OPCML: variants seen among roughly 807,000 people sequenced by gnomAD.
The protein encoded by OPCML is opioid binding protein/cell adhesion molecule like.
Under a neutral mutation model 37.8 loss-of-function variants are expected in OPCML, and 13 were observed. The ratio of observed to expected loss-of-function variants is 0.34; its 90% CI spans 0.22 to 0.55. The LOEUF (loss-of-function observed/expected upper bound fraction) is 0.55. Among genes scored for constraint, OPCML ranks in the 20% least tolerant of loss-of-function variants. OPCML has a pLI of 0.91. For synonymous variants in OPCML, 176 were observed against 168.8 expected, an observed-to-expected ratio of 1.04 and a Z score of -0.33; for missense variants, 341 against 435.6, an observed-to-expected ratio of 0.78 and a Z score of 1.93.
chr11:133,109,300 G>C (rs997113433), intron 1 of OPCML, among the ~76,000 whole-genome samples: 34 of 152,158 alleles, frequency 2.2e-4, no homozygotes, highest in Admixed American at 2.2e-3. Flanking sequence ...AAGAGCAAAA[G>C]AACAAGGACT....
intron 1 of OPCML, among the ~76,000 whole-genome samples, chr11:133,339,103 A>G (rs987982540): frequency 6.6e-6 from 1 of 152,232 alleles, no homozygotes; most frequent in South Asian, 2.1e-4. Context: ...GCATTAAGCT[A>G]TTAATACAAC....
At chr11:132,430,109 G>A (rs2095991490) in intron 7 of OPCML, among the ~76,000 whole-genome samples, 3 of 152,296 alleles carry the variant, frequency 2.0e-5, no homozygotes, top group African/African-American at 4.8e-5. Context: ...GATACAATGC[G>A]AATTCTCCCT....
chr11:132,558,331 C>CTCCCCCCCTCTCCCCCT (rs1376790369), intron 3 of OPCML, among the ~76,000 whole-genome samples: 1 of 13,222 alleles, frequency 7.6e-5, no homozygotes, highest in African/African-American at 4.8e-4. Context: ...CCCTCTCCCC[C>CTCCCCCCCTCTCCCCCT]CCTCCTCCTC....
intron 1 of OPCML, among the ~76,000 whole-genome samples, chr11:133,379,221 C>T (rs1210564178): frequency 6.6e-6 from 1 of 152,214 alleles, no homozygotes; most frequent in Non-Finnish European, 1.5e-5. Flanking sequence ...CATGTGCCTT[C>T]TAACTAGTCC....
intron 4 of OPCML, among the ~76,000 whole-genome samples, chr11:132,445,678 A>G (rs2096052643): frequency 6.6e-6 from 1 of 152,226 alleles, no homozygotes; most frequent in Non-Finnish European, 1.5e-5. Context: ...CAGCACCAGC[A>G]TCCTCTAAAA....
intron 3 of OPCML, among the ~76,000 whole-genome samples, chr11:132,548,975 G>C (rs533849755): frequency 3.3e-5 from 5 of 152,314 alleles, no homozygotes; most frequent in African/African-American, 1.2e-4. Flanking sequence ...AGGATTGTCA[G>C]AAGATTGGAA....
intron 1 of OPCML, chr11:133,361,986 C>A (rs899639936): frequency 2.0e-5 from 3 of 152,580 alleles, no homozygotes; most frequent in Non-Finnish European, 2.9e-5. Context: ...GGCAAAGGCA[C>A]GCGGCACCTG....
chr11:133,400,285 A>G (rs1945374345), intron 1 of OPCML, among the ~76,000 whole-genome samples: 1 of 152,218 alleles, frequency 6.6e-6, no homozygotes, highest in Non-Finnish European at 1.5e-5. Context: ...TTAGCAATAA[A>G]TCGTGTCCAC....
chr11:133,369,698 A>G (rs1478571439), intron 1 of OPCML, among the ~76,000 whole-genome samples: 2 of 152,134 alleles, frequency 1.3e-5, no homozygotes, highest in East Asian at 1.9e-4. Flanking sequence ...ACCATTCACC[A>G]TACACACACA....
intron 2 of OPCML, among the ~76,000 whole-genome samples, chr11:132,731,700 A>C (rs1162566666): frequency 6.6e-6 from 1 of 152,192 alleles, no homozygotes; most frequent in East Asian, 1.9e-4. Context: ...TTTTCCAGAA[A>C]ATTAGACTGT....
At position 132,626,710 on chromosome 11, in the gene OPCML, T is replaced by C. The variant is rs574188560; in HGVS notation, c.379+30377A>G. Among the ~76,000 whole-genome samples the C allele has an allele frequency of 3.5e-3, 529 of 149,604 alleles. 3 individuals carry two copies. The highest frequency in any genetic ancestry group is 0.012 in the African/African-American group (508 of 40,812). ...TATGAGCCTTTAAAAAAAAAAAACATGCATTTACTAATCAAGCTGCCCTGA... is the reference window on the plus strand; with the variant it reads ...TATGAGCCTTTAAAAAAAAAAAACACGCATTTACTAATCAAGCTGCCCTGA... On this transcript the variant is annotated intron_variant, in intron 3 of 7. Coordinates refer to ENST00000524381, the MANE Select transcript of OPCML (RefSeq NM_001012393.5).
chr11:132,560,149 T>C (rs2096407448), intron 3 of OPCML, among the ~76,000 whole-genome samples: 1 of 152,194 alleles, frequency 6.6e-6, no homozygotes, highest in Admixed American at 6.5e-5. Flanking sequence ...TCTTCCCTTT[T>C]TGCCATTCCC....
At chr11:133,172,388 C>T (rs1048127962) in intron 1 of OPCML, among the ~76,000 whole-genome samples, 1 of 152,130 alleles carries the variant, frequency 6.6e-6, no homozygotes, top group Non-Finnish European at 1.5e-5. Flanking sequence ...AAGAAAGCTT[C>T]TTGGAAGAAG....
Position 133,476,651 on chromosome 11 carries a change from A to G in OPCML, c.61+55613T>C, listed in dbSNP as rs78976432. ...TGCAGCAATGAACAAAGTAATCCCA[A>G]CACTTGCATTCCTGAAGCAGATCAT... On this transcript the variant is annotated intron_variant, in intron 1 of 7. Transcript: ENST00000524381. 9.3e-3 allele frequency among the ~76,000 whole-genome samples: 1,416 copies of G among 152,318 alleles called. 32 individuals carry two copies. The highest frequency in any genetic ancestry group is 0.088 in the East Asian group (454 of 5,164).
At chr11:133,186,910 T>C (rs576513129) in intron 1 of OPCML, among the ~76,000 whole-genome samples, 3 of 151,980 alleles carry the variant, frequency 2.0e-5, no homozygotes, top group Non-Finnish European at 2.9e-5. Context: ...GTAGGCCTCA[T>C]TGAGAAGCCT....
chr11:132,713,132 T>A (rs1944333713), intron 2 of OPCML, among the ~76,000 whole-genome samples: 1 of 152,214 alleles, frequency 6.6e-6, no homozygotes, highest in Non-Finnish European at 1.5e-5. Context: ...GGGAGCCAGT[T>A]ATTATTTCAA....
At chr11:133,529,917 G>A (rs1290675370) in intron 1 of OPCML, among the ~76,000 whole-genome samples, 3 of 152,234 alleles carry the variant, frequency 2.0e-5, no homozygotes, top group Non-Finnish European at 2.9e-5. Flanking sequence ...AAGATGCGAA[G>A]CGTTCTTTCA....
rs117018138 is a variant in OPCML, at chr11:133,152,706, T to C, written c.62-209696A>G. Among the ~76,000 whole-genome samples the C allele has an allele frequency of 1.6e-3, 249 of 152,302 alleles. 5 individuals carry two copies. The East Asian group carries it at 0.046, about 28-fold the overall frequency. ...TTTCTCTCTAATTGATGCGTGGGAC[T>C]ACCTAGGCCCCTCATTTTCCTCCCT... On this transcript the variant is annotated intron_variant, in intron 1 of 7. Coordinates refer to ENST00000524381, the MANE Select transcript of OPCML (RefSeq NM_001012393.5).
chr11:133,443,124 C>T (rs1946398112), intron 1 of OPCML, among the ~76,000 whole-genome samples: 1 of 152,140 alleles, frequency 6.6e-6, no homozygotes, highest in African/African-American at 2.4e-5. Context: ...TCAGACAGCA[C>T]ATTATTGTAA....
Sources: gnomAD v4.1 joint callset for allele counts (sites outside exome capture counted in the v4.1 genomes callset) on GRCh38, gnomAD v4.1.1 for gene constraint, MANE v1.5 for transcripts, NCBI Gene and HGNC (gene_info 2026-07-23, HGNC 2026-07-21) for gene names.